FAM3B: variants seen among roughly 807,000 people sequenced by gnomAD.
The protein encoded by FAM3B is FAM3 metabolism regulating signaling molecule B, also known as protein FAM3B.
In FAM3B, 29 loss-of-function variants were observed where a neutral mutation model predicts 28.4. That is an observed-to-expected ratio of 1.02 (90% CI 0.76 to 1.39). The LOEUF (loss-of-function observed/expected upper bound fraction) is 1.39. Ranked by LOEUF, FAM3B falls within the 40% of genes most tolerant of loss-of-function variation. FAM3B has a pLI of 0.00. For synonymous variants in FAM3B, 91 were observed against 103.0 expected (o/e 0.88, Z 0.71); for missense variants, 266 against 293.9 (o/e 0.91, Z 0.69).
At chr21:41,327,949 G>A (rs1404192496) in intron 2 of FAM3B, among the ~76,000 whole-genome samples, 3 of 152,184 alleles carry the variant, frequency 2.0e-5, no homozygotes, top group Non-Finnish European at 4.4e-5. Flanking sequence ...GTATAGAGGC[G>A]CGAGTCCTCT....
chr21:41,333,024 A>G (rs181257460), intron 2 of FAM3B, among the ~76,000 whole-genome samples: 1 of 148,968 alleles, frequency 6.7e-6, no homozygotes, highest in African/African-American at 2.5e-5. Context: ...GTATAATCTT[A>G]GGTTGTTTAT....
chr21:41,336,553 G>A (rs1224271957), intron 2 of FAM3B, among the ~76,000 whole-genome samples: 1 of 152,172 alleles, frequency 6.6e-6, no homozygotes, highest in East Asian at 1.9e-4. Context: ...AAATAAATTT[G>A]TGTTATTTAC....
chr21:41,316,669 G>A (rs557149625), upstream of FAM3B: 439 of 400,108 alleles, frequency 1.1e-3, 3 homozygotes, highest in African/African-American at 7.9e-3. Context: ...ACAGCCCGGG[G>A]CACAGCCCCG....
rs141359085 is a variant in FAM3B, at chr21:41,338,387, C to G, written c.173C>G (p.Pro58Arg). The G allele has an allele frequency of 6.2e-7, 1 of 1,614,146 alleles. No homozygotes were observed. The highest frequency in any genetic ancestry group is 8.5e-7 in the Non-Finnish European group (1 of 1,180,026). ...TTCTTATTCATTACAGCTCCAGTCCCCAAAAGGCAAAAATGTGACCACTGG... is the reference window on the plus strand; with the variant it reads ...TTCTTATTCATTACAGCTCCAGTCCGCAAAAGGCAAAAATGTGACCACTGG... ...GERPVLKAPVPKRQKCDHWTP... is the reference protein window; with the variant it reads ...GERPVLKAPVRKRQKCDHWTP... The change falls in exon 3 of 8, where the codon CCC becomes CGC. Residue 58 changes from proline to arginine, a missense_variant. Physicochemically the swap from Pro to Arg is moderately radical, Grantham distance 103. Coordinates refer to ENST00000357985, the MANE Select transcript of FAM3B (RefSeq NM_058186.4).
chr21:41,319,538 G>A (rs1038231553), intron 1 of FAM3B: 4 of 152,386 alleles, frequency 2.6e-5, no homozygotes, highest in Non-Finnish European at 5.9e-5. Flanking sequence ...AAGCTGCTGG[G>A]TCTCCTCCCA....
At chr21:41,356,040 TACACACACACACACACACACAC>T (rs59345837) in intron 7 of FAM3B, among the ~76,000 whole-genome samples, 3 of 119,888 alleles carry the variant, frequency 2.5e-5, no homozygotes, top group Non-Finnish European at 5.3e-5. Context: ...AAAAAATACA[TACACACACACACACACACACAC>T]ACACACACAC....
chr21:41,308,697 A>G (rs1271826730), intron 1 of FAM3B, among the ~76,000 whole-genome samples: 1 of 150,534 alleles, frequency 6.6e-6, no homozygotes, highest in Non-Finnish European at 1.5e-5. Flanking sequence ...GCACCCCTAC[A>G]CCCGACTAAT....
intron 6 of FAM3B, among the ~76,000 whole-genome samples, chr21:41,348,283 T>C (rs943743843): frequency 6.6e-6 from 1 of 151,892 alleles, no homozygotes; most frequent in African/African-American, 2.4e-5. Context: ...CCGAAAATTG[T>C]ATTGGCTGAG....
At chr21:41,325,015 T>C (rs958032421) in intron 2 of FAM3B, among the ~76,000 whole-genome samples, 1 of 152,158 alleles carries the variant, frequency 6.6e-6, no homozygotes, top group Admixed American at 6.5e-5. Flanking sequence ...GGCAGGAGAA[T>C]AGCTTGAACC....
At chr21:41,340,054 G>A (rs11910557) in intron 3 of FAM3B, among the ~76,000 whole-genome samples, 12,355 of 152,068 alleles carry the variant, frequency 0.081, 685 homozygotes, top group Middle Eastern at 0.18. Context: ...GTCTAAAGGC[G>A]GGGGAGCCTG....
chr21:41,322,831 C>T (rs752993320), intron 1 of FAM3B, 92 bp from the exon 2 acceptor site: 30 of 1,598,568 alleles, frequency 1.9e-5, no homozygotes, highest in African/African-American at 5.4e-5. Context: ...GACACTGGGC[C>T]GGGATGAAAA....
Position 41,329,118 on chromosome 21 carries a change from G to A in FAM3B, c.163+6052G>A, listed in dbSNP as rs559256430. ...CCTCACATATTTAGCATTTTTATGC[G>A]ATGAAAACACTTAAAATCTACTCTC... is the stretch of plus-strand genomic sequence containing the variant. On this transcript the variant is annotated intron_variant, in intron 2 of 7. Transcript: ENST00000357985. 6.6e-5 allele frequency among the ~76,000 whole-genome samples: 10 copies of A among 152,226 alleles called. No homozygotes were observed. The East Asian group carries it at 9.7e-4, about 15-fold the overall frequency.
At position 41,355,880 on chromosome 21, in the gene FAM3B, A is replaced by AT. The variant is rs1344601782; in HGVS notation, c.619-1226dup. Reference sequence around the variant, plus strand: ...ATATAAAAAGGGATATATTACTGGAATTCCAAGGTTATTAACAAAATGCAC... The same window carrying AT: ...ATATAAAAAGGGATATATTACTGGAATTTCCAAGGTTATTAACAAAATGCAC... On this transcript the variant is annotated intron_variant, in intron 7 of 7. Coordinates refer to ENST00000357985, the MANE Select transcript of FAM3B (RefSeq NM_058186.4). Among the ~76,000 whole-genome samples the AT allele has an allele frequency of 1.3e-4, 20 of 152,294 alleles. 1 individual carries two copies. Among genetic ancestry groups the AT allele is most frequent in the African/African-American group, 4.1e-4 (17 of 41,572 alleles).
In FAM3B at chr21:41,326,206, AG is replaced by A. The variant is rs1226110684; in HGVS notation, c.163+3143del. Among the ~76,000 whole-genome samples, 1 of 152,234 alleles carries A rather than the reference AG, an allele frequency of 6.6e-6. No individual in the cohort carries two copies. Among genetic ancestry groups the A allele is most frequent in the Non-Finnish European group, 1.5e-5 (1 of 68,042 alleles). ...AAGACCTAGATGTGGTTCTCCAGGC[AG>A]GGTTTGGAAAGAGCTGTGTTTTCCC... is the stretch of plus-strand genomic sequence containing the variant. On this transcript the variant is annotated intron_variant, in intron 2 of 7. Coordinates refer to ENST00000357985, the MANE Select transcript of FAM3B (RefSeq NM_058186.4). The surrounding 1 kb of genome is among the most constrained non-coding windows in gnomAD (Gnocchi z 4.0).
chr21:41,328,352 G>A (rs572540870), intron 2 of FAM3B, among the ~76,000 whole-genome samples: 1 of 152,218 alleles, frequency 6.6e-6, no homozygotes, highest in South Asian at 2.1e-4. Context: ...CGAATACCTA[G>A]GTAATGAGTA....
At chr21:41,352,057 C>T (rs370884585) in intron 7 of FAM3B, among the ~76,000 whole-genome samples, 21 of 152,178 alleles carry the variant, frequency 1.4e-4, no homozygotes, top group African/African-American at 4.3e-4. Context: ...TCATTCTCAT[C>T]GCCTCCAGCA....
chr21:41,347,749 C>CAAAAAAA (rs60227162), intron 6 of FAM3B, among the ~76,000 whole-genome samples: 3 of 85,682 alleles, frequency 3.5e-5, no homozygotes, highest in African/African-American at 6.4e-5. Context: ...GAGACTGTCT[C>CAAAAAAA]AAAAAAAAAA....
intron 7 of FAM3B, among the ~76,000 whole-genome samples, 155 bp downstream of exon 7, chr21:41,348,879 A>G (rs2089089260): frequency 6.6e-6 from 1 of 152,208 alleles, no homozygotes; most frequent in African/African-American, 2.4e-5. Context: ...CAGAAGTTTC[A>G]AACTTCTCCA....
chr21:41,353,799 G>T (rs1474043194), intron 7 of FAM3B, among the ~76,000 whole-genome samples: 1 of 152,114 alleles, frequency 6.6e-6, no homozygotes, highest in Non-Finnish European at 1.5e-5. Flanking sequence ...AAAGTAAGTT[G>T]CCCTTCAGCA....
Sources: gnomAD v4.1 joint callset for allele counts (sites outside exome capture counted in the v4.1 genomes callset) on GRCh38, gnomAD v4.1.1 for gene constraint, Gnocchi (gnomAD v3.1) non-coding constraint, MANE v1.5 for transcripts, NCBI Gene and HGNC (gene_info 2026-07-23, HGNC 2026-07-21) for gene names.